Variants in INTS11 observed in about 807,000 individuals in gnomAD.
INTS11 encodes the protein integrator complex subunit 11.
Under a neutral mutation model 78.6 loss-of-function variants are expected in INTS11, and 77 were observed. That is an observed-to-expected ratio of 0.98 (90% CI 0.81 to 1.18). INTS11 has a LOEUF of 1.18. INTS11 is among the 50% of genes most tolerant of loss of function. INTS11 has a pLI of 0.00. For synonymous variants in INTS11, 441 were observed against 326.9 expected (o/e 1.35, Z -3.77); for missense variants, 875 against 825.9 (o/e 1.06, Z -0.73).
chr1:1,319,576 C>T, intron 3 of INTS11, 52 bp from the exon 4 acceptor site: 2 of 1,354,794 alleles, frequency 1.5e-6, no homozygotes, highest in Admixed American at 2.1e-5. Context: ...CCAGCCTTCA[C>T]CCCCGCTCTG....
Position 1,312,705 on chromosome 1 carries a change from A to AC in INTS11, c.1295-6dup. ...CCGGCATGTAGCAGTTGACCCCTGG[A>AC]CCCCGGGGGAAGAGAGAGCCTCAGC... is the stretch of plus-strand genomic sequence containing the variant. On this transcript the variant is annotated splice_polypyrimidine_tract_variant and splice_region_variant and intron_variant, in intron 12 of 16. Transcript: ENST00000435064. 6.3e-7 allele frequency: 1 copy of AC among 1,590,960 alleles called. No individual in the cohort carries two copies. The highest frequency in any genetic ancestry group is 8.6e-7 in the Non-Finnish European group (1 of 1,165,588).
rs1473698135 is a variant in INTS11 at position 1,312,873 on chromosome 1, C to T, written c.1208G>A (p.Gly403Asp). 9.3e-6 allele frequency: 15 copies of T among 1,612,294 alleles called. No homozygotes were observed. Among genetic ancestry groups the T allele is most frequent in the Non-Finnish European group, 1.2e-5 (14 of 1,179,886 alleles). The part of the protein sequence containing the change: ...ADAKGIMQLV[G>D]QAEPESVLLV... ...CAGCACGCTCTCCGGCTCTGCCTGG[C>T]CCACCAGCTGCATGATGCCCTTGGC... is the stretch of plus-strand genomic sequence containing the variant. Residue 403 changes from glycine to aspartate, a missense_variant, in exon 12 of 17, where the codon GGC becomes GAC. Gly to Asp is a moderately conservative substitution (Grantham distance 94). Transcript: ENST00000435064.
chr1:1,314,279 G>A lies in INTS11; in HGVS notation c.767+22C>T. The A allele has an allele frequency of 6.3e-7, 1 of 1,577,316 alleles. No homozygotes were observed. The highest frequency in any genetic ancestry group is 1.9e-5 in the Admixed American group (1 of 53,888). On this transcript the variant is annotated intron_variant, in intron 8 of 16. Transcript: ENST00000435064. This position sits in a 1 kb window ranked among gnomAD's most constrained non-coding sequence, Gnocchi z 4.2. ...CAGGCCGGGCCAGGGGCTCCTTAAA[G>A]AGCCGTCCTGGCGGCACCTACCAGA...
intron 1 of INTS11, among the ~76,000 whole-genome samples, chr1:1,322,150 C>T (rs1049767668): frequency 6.6e-6 from 1 of 152,076 alleles, no homozygotes; most frequent in Admixed American, 6.5e-5. Flanking sequence ...AAGGGAGGGC[C>T]GCCCCTCTTC....
At chr1:1,320,383 C>A in intron 3 of INTS11, 73 bp downstream of exon 3, 3 of 1,469,906 alleles carry the variant, frequency 2.0e-6, no homozygotes, top group Non-Finnish European at 1.9e-6. Context: ...CAAACGCTGC[C>A]GAGACCAAGC....
At position 1,311,762 on chromosome 1, in the gene INTS11, G is replaced by T; in HGVS notation, c.*97C>A. On this transcript the variant is annotated 3_prime_UTR_variant, in exon 17 of 17. Transcript: ENST00000435064. ...CTGTCCCCAGGGATGGGACCTGCAG[G>T]GTCTGTTCACCCAGGGCACCCACAG... is the stretch of plus-strand genomic sequence containing the variant. The T allele has an allele frequency of 8.0e-7, 1 of 1,249,864 alleles. No homozygotes were observed. Among genetic ancestry groups the T allele is most frequent in the East Asian group, 2.4e-5 (1 of 42,408 alleles). The allele number at this position is 1,249,864 out of a possible 1,614,324, so 77.4% of individuals were successfully genotyped here.
intron 1 of INTS11, chr1:1,322,980 A>C: frequency 7.3e-7 from 1 of 1,374,844 alleles, no homozygotes; most frequent in Non-Finnish European, 9.4e-7. Flanking sequence ...AGATGTCCAG[A>C]GAGTGGGCAG....
intron 4 of INTS11, chr1:1,318,840 C>T (rs1205654559): frequency 1.6e-6 from 1 of 616,962 alleles, no homozygotes; most frequent in Admixed American, 2.8e-5. Context: ...GGAATTTCAC[C>T]TGTCACTCGC....
chr1:1,311,662 G>A lies in INTS11; in HGVS notation c.*197C>T, dbSNP rs1314083972. The A allele has an allele frequency of 9.7e-6, 7 of 719,400 alleles. No homozygotes were observed. The highest frequency in any genetic ancestry group is 3.1e-5 in the South Asian group (2 of 65,118). 44.6% of individuals were successfully genotyped at this position (719,400 alleles called of 1,614,324 possible). ...ACCACCTGCCCTAACCAGGAATAAA[G>A]GCAAGACAGCCTGGAGACCAGTTTG... On this transcript the variant is annotated 3_prime_UTR_variant, in exon 17 of 17. Coordinates refer to ENST00000435064, the MANE Select transcript of INTS11 (RefSeq NM_017871.6).
intron 4 of INTS11, among the ~76,000 whole-genome samples, chr1:1,318,399 T>C (rs545304036): frequency 4.8e-4 from 73 of 152,328 alleles, no homozygotes; most frequent in Admixed American, 1.8e-3. Flanking sequence ...GACTCATGCC[T>C]GTAATCCGAG....
chr1:1,311,890 A>G lies in INTS11; in HGVS notation c.1772T>C (p.Leu591Pro), dbSNP rs1421936702. Residue 591 changes from leucine to proline, a missense_variant, in exon 17 of 17, where the codon CTG (leucine) becomes CCG (proline). Transcript: ENST00000435064. The stretch of plus-strand genomic sequence containing the variant: ...GGGGGCCTGGGGGAGGCCCTTCTTC[A>G]GCAGAGATGTGAGGAAGCTCCCCAG... ...EELGSFLTSL[L>P]KKGLPQAPS 1.3e-6 allele frequency: 2 copies of G among 1,570,900 alleles called. No homozygotes were observed. Among genetic ancestry groups the G allele is most frequent in the Non-Finnish European group, 8.6e-7 (1 of 1,157,926 alleles).
chr1:1,318,874 T>C, intron 4 of INTS11: 1 of 667,666 alleles, frequency 1.5e-6, no homozygotes, highest in Non-Finnish European at 2.8e-6. Flanking sequence ...ACTTCTTCCC[T>C]GACCCACACC....
At chr1:1,319,167 C>T (rs748262465) in intron 4 of INTS11, 129 bp downstream of exon 4, 93 of 887,562 alleles carry the variant, frequency 1.0e-4, no homozygotes, top group Admixed American at 3.0e-4. Context: ...CGGTGCTGGA[C>T]GCAAGAGTGA....
intron 4 of INTS11, chr1:1,317,444 T>C (rs1005546831): frequency 1.1e-6 from 1 of 950,218 alleles, no homozygotes; most frequent in Non-Finnish European, 1.3e-6. Flanking sequence ...TTTAACACCA[T>C]ATGACACATA....
At chr1:1,317,519 A>C (rs1032332201) in intron 4 of INTS11, 2 of 901,950 alleles carry the variant, frequency 2.2e-6, no homozygotes, top group African/African-American at 3.6e-5. Context: ...CAGGAAAGAC[A>C]AACAGATGAC....
intron 1 of INTS11, chr1:1,323,122 G>A: frequency 6.5e-7 from 1 of 1,545,116 alleles, no homozygotes; most frequent in East Asian, 2.5e-5. Context: ...ACAGGCCAGG[G>A]GTGTTCACAG....
intron 1 of INTS11, chr1:1,322,695 T>G (rs1298286552): frequency 8.2e-4 from 27 of 32,902 alleles, no homozygotes; most frequent in Admixed American, 1.9e-3. Flanking sequence ...ACGGGCAGGG[T>G]GGGTGGGGGG....
chr1:1,315,178 G>A (rs1019069593), intron 6 of INTS11: 3 of 720,678 alleles, frequency 4.2e-6, no homozygotes, highest in Non-Finnish European at 6.8e-6. Flanking sequence ...GCGAGACAGA[G>A]GCACCCACCC....
rs570187967 is a variant in INTS11, at chr1:1,317,530, G to A, written c.429+1766C>T. ...GAAACAGGAAAGACAAACAGATGAC[G>A]GAGTTTCAAGAGGTTGAACGTCAGG... On this transcript the variant is annotated intron_variant, in intron 4 of 16. Transcript: ENST00000435064. 18 of 828,410 alleles carry A rather than the reference G, an allele frequency of 2.2e-5. No homozygotes were observed. In the East Asian group the frequency reaches 3.7e-4, roughly 17 times the overall value. The allele number at this position is 828,410 out of a possible 1,614,324, so 51.3% of individuals were successfully genotyped here.
Sources: gnomAD v4.1 joint callset for allele counts (sites outside exome capture counted in the v4.1 genomes callset) on GRCh38, gnomAD v4.1.1 for gene constraint, Gnocchi (gnomAD v3.1) non-coding constraint, MANE v1.5 for transcripts, NCBI Gene and HGNC (gene_info 2026-07-23, HGNC 2026-07-21) for gene names.